The following RPTOR variants were observed in gnomAD, a reference collection of about 807,000 sequenced individuals.
RPTOR encodes regulatory-associated protein of mTOR.
In RPTOR, 21 loss-of-function variants were observed where a neutral mutation model predicts 169.9. That is an observed-to-expected ratio of 0.12 (90% CI 0.09 to 0.18). RPTOR has a LOEUF of 0.18. Among genes scored for constraint, RPTOR ranks in the 10% least tolerant of loss-of-function variants. RPTOR has a pLI of 1.00. For synonymous variants in RPTOR, 732 were observed against 753.2 expected, an observed-to-expected ratio of 0.97 and a Z score of 0.46; for missense variants, 1,133 against 1,855.9, an observed-to-expected ratio of 0.61 and a Z score of 7.16.
intron 20 of RPTOR, among the ~76,000 whole-genome samples, chr17:80,898,107 A>G (rs776269601): frequency 1.3e-5 from 2 of 152,174 alleles, no homozygotes; most frequent in Admixed American, 6.5e-5. Flanking sequence ...TGAATTCTGT[A>G]TTCCATTTCT....
intron 1 of RPTOR, among the ~76,000 whole-genome samples, chr17:80,597,472 G>A (rs957637626): frequency 3.3e-5 from 5 of 152,160 alleles, no homozygotes; most frequent in African/African-American, 9.7e-5. Context: ...GCAATGGGGA[G>A]CAGTGAAAGT....
intron 9 of RPTOR, among the ~76,000 whole-genome samples, chr17:80,833,980 C>T (rs935476301): frequency 6.6e-6 from 1 of 152,236 alleles, no homozygotes; most frequent in African/African-American, 2.4e-5. Context: ...CAGAGTGAGA[C>T]TCCGTCTCAA....
intron 1 of RPTOR, among the ~76,000 whole-genome samples, chr17:80,586,210 T>G (rs992573210): frequency 6.6e-6 from 1 of 152,186 alleles, no homozygotes; most frequent in Non-Finnish European, 1.5e-5. Context: ...TCCTGATCTC[T>G]CCACAGATGC....
chr17:80,793,874 C>T (rs2067074673), intron 7 of RPTOR, among the ~76,000 whole-genome samples: 1 of 152,250 alleles, frequency 6.6e-6, no homozygotes, highest in South Asian at 2.1e-4. Flanking sequence ...CACTTCAGCT[C>T]CTGGGTGGCC....
chr17:80,948,960 T>A (rs533448169), intron 27 of RPTOR, among the ~76,000 whole-genome samples: 53 of 152,240 alleles, frequency 3.5e-4, no homozygotes, highest in African/African-American at 1.1e-3. Context: ...ACTCTCTCTG[T>A]GGAGCACAGA....
chr17:80,822,234 C>T lies in RPTOR; in HGVS notation c.924C>T (p.Pro308=), dbSNP rs755106054. The change falls in exon 8 of 34, where the codon CCC becomes CCT. Residue 308 remains proline (P), a synonymous_variant. Coordinates refer to ENST00000306801, the MANE Select transcript of RPTOR (RefSeq NM_020761.3). ...IPGRLNDRRT[P]LGELNWIFTA... is the part of the protein sequence containing the mutation. ...GCCGCCTGAACGACAGGAGGACGCCCCTGGGTGAACTGAACTGGATCTTCA... is the reference window on the plus strand; with the variant it reads ...GCCGCCTGAACGACAGGAGGACGCCTCTGGGTGAACTGAACTGGATCTTCA... The T allele has an allele frequency of 6.2e-7, 1 of 1,614,222 alleles. No individual in the cohort carries two copies. Among genetic ancestry groups the T allele is most frequent in the Non-Finnish European group, 8.5e-7 (1 of 1,180,028 alleles).
chr17:80,826,832 G>A (rs1282737440), intron 9 of RPTOR, among the ~76,000 whole-genome samples: 3 of 152,282 alleles, frequency 2.0e-5, no homozygotes, highest in South Asian at 2.1e-4. Flanking sequence ...GCTAGAACTC[G>A]CCCTGCTGTT....
intron 3 of RPTOR, among the ~76,000 whole-genome samples, chr17:80,672,957 C>T (rs954183958): frequency 2.0e-5 from 3 of 152,050 alleles, no homozygotes; most frequent in African/African-American, 7.2e-5. Flanking sequence ...GACAGAATCT[C>T]ATTCTGTCAC....
chr17:80,661,786 T>G (rs1193402282), intron 3 of RPTOR, among the ~76,000 whole-genome samples: 1 of 152,034 alleles, frequency 6.6e-6, no homozygotes, highest in Non-Finnish European at 1.5e-5. Flanking sequence ...GTATGGGTTT[T>G]TATCCATCCA....
chr17:80,810,764 A>C (rs773508052), intron 7 of RPTOR, among the ~76,000 whole-genome samples: 1 of 152,238 alleles, frequency 6.6e-6, no homozygotes, highest in Non-Finnish European at 1.5e-5. Flanking sequence ...ACCCATGCAC[A>C]TAGTGGCTTC....
intron 24 of RPTOR, among the ~76,000 whole-genome samples, chr17:80,940,075 CA>C (rs1266347554): frequency 6.6e-6 from 1 of 152,234 alleles, no homozygotes; most frequent in Non-Finnish European, 1.5e-5. Context: ...ACGAGAAGCC[CA>C]AAGCCTTCAG....
At chr17:80,665,489 TTTCCTTTCCTTTCCA>T (rs2065767672) in intron 3 of RPTOR, among the ~76,000 whole-genome samples, 4 of 47,352 alleles carry the variant, frequency 8.4e-5, no homozygotes. Flanking sequence ...TTTCCTTTCC[TTTCCTTTCCTTTCCA>T]TGTCCTTTCC....
chr17:80,565,201 C>G (rs1339600589), intron 1 of RPTOR, among the ~76,000 whole-genome samples: 2 of 152,186 alleles, frequency 1.3e-5, no homozygotes, highest in African/African-American at 4.8e-5. Context: ...TAGAAAAACA[C>G]CTACAGTCCT....
chr17:80,587,481 C>T (rs1374392504), intron 1 of RPTOR, among the ~76,000 whole-genome samples: 1 of 152,110 alleles, frequency 6.6e-6, no homozygotes, highest in Non-Finnish European at 1.5e-5. Flanking sequence ...TTGGTTAGCA[C>T]CTGTGTGGAT....
intron 21 of RPTOR, among the ~76,000 whole-genome samples, chr17:80,915,245 G>A (rs147654996): frequency 6.3e-5 from 9 of 143,310 alleles, no homozygotes; most frequent in African/African-American, 1.8e-4. Flanking sequence ...CTGAGCAGAC[G>A]TCGGGAAAAC....
intron 6 of RPTOR, among the ~76,000 whole-genome samples, chr17:80,788,574 C>A (rs377073732): frequency 6.6e-6 from 1 of 152,272 alleles, no homozygotes; most frequent in African/African-American, 2.4e-5. Context: ...TAATCTGGTT[C>A]TTGTTTCTTT....
chr17:80,907,853 C>T (rs72859613), intron 20 of RPTOR, among the ~76,000 whole-genome samples: 2,218 of 152,354 alleles, frequency 0.015, 24 homozygotes, highest in Non-Finnish European at 0.021. Context: ...CCAGCTCCTT[C>T]GTGCCTCTTC....
intron 1 of RPTOR, among the ~76,000 whole-genome samples, chr17:80,551,043 A>G (rs1231466800): frequency 2.6e-5 from 4 of 152,086 alleles, no homozygotes; most frequent in Non-Finnish European, 5.9e-5. Context: ...GCATGACACC[A>G]TGCCCGGCTG....
chr17:80,811,094 C>T (rs969477896), intron 7 of RPTOR, among the ~76,000 whole-genome samples: 3 of 152,152 alleles, frequency 2.0e-5, no homozygotes, highest in African/African-American at 7.2e-5. Flanking sequence ...TGTTGCACTG[C>T]GTAATGTCTC....
Sources: gnomAD v4.1 joint callset for allele counts (sites outside exome capture counted in the v4.1 genomes callset) on GRCh38, gnomAD v4.1.1 for gene constraint, MANE v1.5 for transcripts, NCBI Gene and HGNC (gene_info 2026-07-23, HGNC 2026-07-21) for gene names.